Variants in SYT13 observed in about 807,000 individuals in gnomAD.
The protein encoded by SYT13 is synaptotagmin-13.
SYT13 carries 21 observed loss-of-function variants against 38.6 expected under a neutral mutation model. That is an observed-to-expected ratio of 0.54 (90% confidence interval 0.39 to 0.78). The LOEUF is 0.78. Ranked by LOEUF, SYT13 falls within the 30% of genes least tolerant of loss-of-function variation. SYT13 has a pLI of 0.00. For synonymous variants in SYT13, 241 were observed against 237.6 expected, an observed-to-expected ratio of 1.01 and a Z score of -0.13; for missense variants, 495 against 548.7, an observed-to-expected ratio of 0.90 and a Z score of 0.98.
intron 1 of SYT13, among the ~76,000 whole-genome samples, chr11:45,272,381 T>C (rs1365558506): frequency 6.6e-6 from 1 of 152,200 alleles, no homozygotes; most frequent in Non-Finnish European, 1.5e-5. Context: ...AGAACCCCTG[T>C]GTGTCACTGG....
In SYT13 at chr11:45,270,413, G is replaced by A. The variant is rs370657053; in HGVS notation, c.184-14522C>T. On this transcript the variant is annotated intron_variant, in intron 1 of 5. Transcript: ENST00000020926. Reference sequence around the variant, plus strand: ...TTTTTATGTCAGTTTCCTTGGCATTGAAATTAGGGTGTTCTTTCAGAGAAG... The same window carrying A: ...TTTTTATGTCAGTTTCCTTGGCATTAAAATTAGGGTGTTCTTTCAGAGAAG... 1.7e-4 allele frequency among the ~76,000 whole-genome samples: 26 copies of A among 152,212 alleles called. No homozygotes were observed. The South Asian group carries it at 5.0e-3, about 29-fold the overall frequency.
Position 45,273,332 on chromosome 11 carries a change from A to T in SYT13, c.183+12693T>A, listed in dbSNP as rs544630684. On this transcript the variant is annotated intron_variant, in intron 1 of 5. Transcript: ENST00000020926. ...GCCCCCAGGCACCTAGCAGGGAGGG[A>T]GCAGGGGTGATGAAGGCCCCTCACA... Among the ~76,000 whole-genome samples, 4 of 152,216 alleles carry T rather than the reference A, an allele frequency of 2.6e-5. No homozygotes were observed. The South Asian group carries it at 8.3e-4, about 32-fold the overall frequency.
chr11:45,280,169 G>C (rs1342881363), intron 1 of SYT13, among the ~76,000 whole-genome samples: 1 of 152,154 alleles, frequency 6.6e-6, no homozygotes, highest in South Asian at 2.1e-4. Flanking sequence ...ACTCTTACAT[G>C]TGTGAATTAA....
chr11:45,271,001 G>C (rs1192036540), intron 1 of SYT13, among the ~76,000 whole-genome samples: 2 of 152,160 alleles, frequency 1.3e-5, no homozygotes, highest in Admixed American at 6.5e-5. Context: ...GGGAGACACA[G>C]GAGTAAGTCC....
Position 45,255,672 on chromosome 11 carries a change from G to A in SYT13, c.403C>T (p.Gln135Ter). Residue 135 changes from glutamine (Q) to a stop codon, truncating the protein, a stop_gained, in exon 2 of 6, where the codon CAG (glutamine) becomes TAG (stop). Coordinates refer to ENST00000020926, the MANE Select transcript of SYT13 (RefSeq NM_020826.3). LOFTEE classifies it high-confidence loss of function. ...QVTEELFILP[Q>*]NGVVEDVCVM... ...GGGGGCAGGAGACCCCTACCATTCT[G>A]AGGGAGGATGAACAGCTCCTCTGTG... is the stretch of plus-strand genomic sequence containing the variant. 4 of 1,613,984 alleles carry A rather than the reference G, an allele frequency of 2.5e-6. No homozygotes were observed. Among genetic ancestry groups the A allele is most frequent in the Non-Finnish European group, 3.4e-6 (4 of 1,179,940 alleles).
chr11:45,247,184 C>T lies in SYT13; in HGVS notation c.847-672G>A, dbSNP rs74462062. ...GCTTTAGAGTAACTCTCCTGAAATTCGTACAGGAGTTTATTTGGAATTTCA... is the reference window on the plus strand; with the variant it reads ...GCTTTAGAGTAACTCTCCTGAAATTTGTACAGGAGTTTATTTGGAATTTCA... On this transcript the variant is annotated intron_variant, in intron 4 of 5. Transcript: ENST00000020926. Among the ~76,000 whole-genome samples the T allele has an allele frequency of 2.2e-3, 341 of 152,272 alleles. 8 individuals carry two copies. In the East Asian group the frequency reaches 0.047, roughly 21 times the overall value.
intron 5 of SYT13, among the ~76,000 whole-genome samples, chr11:45,245,234 T>C (rs1854600301): frequency 6.6e-6 from 1 of 152,230 alleles, no homozygotes; most frequent in Non-Finnish European, 1.5e-5. Flanking sequence ...AGCTTTCATG[T>C]CACATCACAA....
Position 45,286,211 on chromosome 11 carries a change from G to A in SYT13, c.-4C>T, listed in dbSNP as rs1055449910. The A allele has an allele frequency of 1.3e-6, 2 of 1,543,898 alleles. No homozygotes were observed. The highest frequency in any genetic ancestry group is 2.7e-5 in the African/African-American group (2 of 73,424). ...TCACAGGCACCGACAGCACCATGGT[G>A]CCCGCTCCCGGCGAGGGGCTGGGTC... On this transcript the variant is annotated 5_prime_UTR_variant, in exon 1 of 6. Coordinates refer to ENST00000020926, the MANE Select transcript of SYT13 (RefSeq NM_020826.3).
At chr11:45,260,524 A>T (rs1255322739) in intron 1 of SYT13, among the ~76,000 whole-genome samples, 1 of 152,132 alleles carries the variant, frequency 6.6e-6, no homozygotes, top group East Asian at 1.9e-4. Context: ...CCCTAGAGAG[A>T]GACCTTGCTC....
At chr11:45,250,848 AC>A (rs1344375949) in intron 4 of SYT13, among the ~76,000 whole-genome samples, 3 of 152,148 alleles carry the variant, frequency 2.0e-5, no homozygotes, top group Non-Finnish European at 4.4e-5. Context: ...TGCTGGTCAC[AC>A]CTCATATTTG....
chr11:45,283,084 A>G (rs1440656058), intron 1 of SYT13, among the ~76,000 whole-genome samples: 2 of 152,144 alleles, frequency 1.3e-5, no homozygotes, highest in African/African-American at 4.8e-5. Context: ...GGAAGTCAAG[A>G]CTTCAGTGAG....
At position 45,246,474 on chromosome 11, in the gene SYT13, G is replaced by A. The variant is rs1373023332; in HGVS notation, c.885C>T (p.Ile295=). 6.2e-7 allele frequency: 1 copy of A among 1,614,060 alleles called. No homozygotes were observed. The highest frequency in any genetic ancestry group is 8.5e-7 in the Non-Finnish European group (1 of 1,180,044). ...GGCGGTTGGCAGCCGGGAGGTAGCT[G>A]ATGGATAGTAGGACCTCTCCAGCTC... is the stretch of plus-strand genomic sequence containing the variant. ...SAGAGEVLLS[I]SYLPAANRLL... is the part of the protein sequence containing the mutation. Residue 295 remains isoleucine, a synonymous_variant, in exon 5 of 6, where the codon ATC becomes ATT. Transcript: ENST00000020926.
At chr11:45,279,874 A>G (rs1273051826) in intron 1 of SYT13, among the ~76,000 whole-genome samples, 1 of 152,110 alleles carries the variant, frequency 6.6e-6, no homozygotes, top group Admixed American at 6.5e-5. Context: ...GGGGCGTCCT[A>G]TCATCATTAA....
chr11:45,269,269 G>T (rs550377383), intron 1 of SYT13: 5 of 357,112 alleles, frequency 1.4e-5, no homozygotes, highest in Non-Finnish European at 2.5e-5. Flanking sequence ...GAGGGTGAAT[G>T]TTGCTGCAAT....
At position 45,252,045 on chromosome 11, in the gene SYT13, C is replaced by T. The variant is rs913844141; in HGVS notation, c.846+376G>A. Reference sequence around the variant, plus strand: ...CACCCTTCATGCTCACCTACACAAACGGAGGAAGGTAGAGTGTCCTGCAGT... The same window carrying T: ...CACCCTTCATGCTCACCTACACAAATGGAGGAAGGTAGAGTGTCCTGCAGT... On this transcript the variant is annotated intron_variant, in intron 4 of 5. Transcript: ENST00000020926. This position sits in a 1 kb window ranked among gnomAD's most constrained non-coding sequence, Gnocchi z 4.3. Among the ~76,000 whole-genome samples the T allele has an allele frequency of 6.6e-6, 1 of 152,190 alleles. No individual in the cohort carries two copies. Among genetic ancestry groups the T allele is most frequent in the African/African-American group, 2.4e-5 (1 of 41,466 alleles).
Position 45,252,678 on chromosome 11 carries a change from C to A in SYT13, c.589G>T (p.Gly197Trp). 6.3e-7 allele frequency: 1 copy of A among 1,598,564 alleles called. No individual in the cohort carries two copies. The highest frequency in any genetic ancestry group is 8.6e-7 in the Non-Finnish European group (1 of 1,167,832). Reference protein sequence around the residue: ...HDGGCDCYVQGSVANRTGSVE... With the variant: ...HDGGCDCYVQWSVANRTGSVE... ...GAGCCGGTCCTATTGGCCACACTCC[C>A]TTGGACGTAGCAGTCACAGCCTCCG... The change falls in exon 4 of 6, where the codon GGG becomes TGG. Residue 197 changes from glycine to tryptophan, a missense_variant. Transcript: ENST00000020926. This position sits in a 1 kb window ranked among gnomAD's most constrained non-coding sequence, Gnocchi z 4.3.
At position 45,243,058 on chromosome 11, in the gene SYT13, C is replaced by T. The variant is rs1486067094; in HGVS notation, c.*994G>A. 6.6e-6 allele frequency: 1 copy of T among 152,140 alleles called. No individual in the cohort carries two copies. Among genetic ancestry groups the T allele is most frequent in the African/African-American group, 2.4e-5 (1 of 41,428 alleles). The allele number at this position is 152,140 out of a possible 1,614,324, so 9.4% of individuals were successfully genotyped here. ...AAGTGACTGGAACGCTGAGAAGGGA[C>T]CGGTCTATCTCAGAGTCACTTTGGT... On this transcript the variant is annotated 3_prime_UTR_variant, in exon 6 of 6. Coordinates refer to ENST00000020926, the MANE Select transcript of SYT13 (RefSeq NM_020826.3).
At position 45,252,713 on chromosome 11, in the gene SYT13, C is replaced by T; in HGVS notation, c.554G>A (p.Ser185Asn). Reference sequence around the variant, plus strand: ...GCAGTCACAGCCTCCGTCGTGGTTGCTGGTCACAGCTGCAGGCAAGGAGAA... The same window carrying T: ...GCAGTCACAGCCTCCGTCGTGGTTGTTGGTCACAGCTGCAGGCAAGGAGAA... ...LFVTRLEAVT[S>N]NHDGGCDCYV... Residue 185 changes from serine to asparagine, a missense_variant, in exon 4 of 6, where the codon AGC (serine) becomes AAC (asparagine). Ser to Asn is a conservative substitution (Grantham distance 46, BLOSUM62 1). Coordinates refer to ENST00000020926, the MANE Select transcript of SYT13 (RefSeq NM_020826.3). The surrounding 1 kb of genome is among the most constrained non-coding windows in gnomAD (Gnocchi z 4.3). The T allele has an allele frequency of 6.4e-7, 1 of 1,572,568 alleles. No homozygotes were observed. The highest frequency in any genetic ancestry group is 8.7e-7 in the Non-Finnish European group (1 of 1,153,180).
At chr11:45,254,233 C>A in intron 3 of SYT13, 37 bp downstream of exon 3, 2 of 1,578,096 alleles carry the variant, frequency 1.3e-6, no homozygotes, top group Non-Finnish European at 1.7e-6. Context: ...GGGAGATAGA[C>A]ACACAGAAGC....
Sources: gnomAD v4.1 joint callset for allele counts (sites outside exome capture counted in the v4.1 genomes callset) on GRCh38, gnomAD v4.1.1 for gene constraint, Gnocchi (gnomAD v3.1) non-coding constraint, MANE v1.5 for transcripts, NCBI Gene and HGNC (gene_info 2026-07-23, HGNC 2026-07-21) for gene names.